MINDY2: variants seen among roughly 807,000 people sequenced by gnomAD.
MINDY2 encodes the protein ubiquitin carboxyl-terminal hydrolase MINDY-2.
Under a neutral mutation model 68.2 loss-of-function variants are expected in MINDY2, and 52 were observed. The ratio of observed to expected loss-of-function variants is 0.76; its 90% confidence interval spans 0.61 to 0.96. The LOEUF (loss-of-function observed/expected upper bound fraction) is 0.96, where lower values mean the gene tolerates loss of function less well. MINDY2 is among the 40% of genes least tolerant of loss of function. The pLI is 0.00. For synonymous variants in MINDY2, 372 were observed against 303.0 expected, an observed-to-expected ratio of 1.23 and a Z score of -2.36; for missense variants, 881 against 773.4, an observed-to-expected ratio of 1.14 and a Z score of -1.65.
At chr15:58,802,185 G>A (rs1026048667) in intron 2 of MINDY2, 128 bp from the exon 3 acceptor site, 4 of 647,768 alleles carry the variant, frequency 6.2e-6, no homozygotes, top group Non-Finnish European at 1.1e-5. Context: ...GGTAGGATTG[G>A]GGAGTCAATT....
chr15:58,848,560 G>A (rs1253078804), intron 7 of MINDY2, among the ~76,000 whole-genome samples: 2 of 151,938 alleles, frequency 1.3e-5, no homozygotes, highest in East Asian at 1.9e-4. Context: ...TGGCTAACAC[G>A]GTGAAACCCC....
At chr15:58,801,551 T>C (rs1041630036) in intron 2 of MINDY2, among the ~76,000 whole-genome samples, 5 of 152,062 alleles carry the variant, frequency 3.3e-5, no homozygotes, top group South Asian at 2.1e-4. Context: ...ATTTAAAAGT[T>C]GCCACATATA....
chr15:58,791,518 C>T (rs915007334), intron 2 of MINDY2, among the ~76,000 whole-genome samples: 4 of 150,620 alleles, frequency 2.7e-5, no homozygotes, highest in East Asian at 2.0e-4. Flanking sequence ...TTGGGACGCT[C>T]AGGTGGGAGG....
chr15:58,853,029 GC>G (rs55897928), intron 8 of MINDY2, among the ~76,000 whole-genome samples: 116,455 of 140,148 alleles, frequency 0.83, 49,134 homozygotes, highest in Middle Eastern at 0.94. Flanking sequence ...CTCGCTCATT[GC>G]CAACCTCTGC....
chr15:58,801,789 G>A (rs1167012232), intron 2 of MINDY2, among the ~76,000 whole-genome samples: 1 of 152,164 alleles, frequency 6.6e-6, no homozygotes, highest in Non-Finnish European at 1.5e-5. Flanking sequence ...ACAGGCACCC[G>A]CCACCATGCC....
intron 6 of MINDY2, among the ~76,000 whole-genome samples, chr15:58,844,988 C>T (rs778845755): frequency 1.3e-5 from 2 of 150,446 alleles, no homozygotes; most frequent in Non-Finnish European, 3.0e-5. Context: ...TGCAAACTAC[C>T]TATGTGACAA....
intron 6 of MINDY2, among the ~76,000 whole-genome samples, chr15:58,836,721 C>A (rs909879521): frequency 1.3e-5 from 2 of 152,026 alleles, no homozygotes; most frequent in African/African-American, 4.8e-5. Context: ...TGGGTTCAAG[C>A]GATCCTCATG....
chr15:58,837,506 G>A (rs2032049608), intron 6 of MINDY2, among the ~76,000 whole-genome samples: 1 of 150,456 alleles, frequency 6.6e-6, no homozygotes, highest in Non-Finnish European at 1.5e-5. Flanking sequence ...CCTGAGCCCA[G>A]GAGGGTGAGG....
chr15:58,794,620 G>C (rs1288644251), intron 2 of MINDY2, among the ~76,000 whole-genome samples: 1 of 152,062 alleles, frequency 6.6e-6, no homozygotes, highest in Non-Finnish European at 1.5e-5. Context: ...GAGGAGTTTA[G>C]GGAGGAAGTG....
At chr15:58,791,253 A>ATATATATATATATATATC (rs1567043806) in intron 2 of MINDY2, among the ~76,000 whole-genome samples, 2 of 128,566 alleles carry the variant, frequency 1.6e-5, no homozygotes, top group African/African-American at 2.9e-5. Context: ...ATATATATAT[A>ATATATATATATATATATC]TATCTTGAGT....
intron 1 of MINDY2, among the ~76,000 whole-genome samples, chr15:58,778,972 G>A (rs1900959735): frequency 6.6e-6 from 1 of 151,842 alleles, no homozygotes; most frequent in African/African-American, 2.4e-5. Context: ...ATGTTGGCCA[G>A]GCTGTTCTTG....
At chr15:58,818,917 A>G (rs1439170345) in intron 4 of MINDY2, among the ~76,000 whole-genome samples, 1 of 152,116 alleles carries the variant, frequency 6.6e-6, no homozygotes, top group Non-Finnish European at 1.5e-5. Context: ...CTGGGATTAC[A>G]GGCATGAGCC....
chr15:58,852,972 A>ATTTTT lies in MINDY2; in HGVS notation c.1737+1007_1737+1008insTTTTT, dbSNP rs1567079858. On this transcript the variant is annotated intron_variant, in intron 8 of 8. Coordinates refer to ENST00000559228, the MANE Select transcript of MINDY2 (RefSeq NM_001040450.3). ...TTTTTTTTTTTTTTTTTTTTTTTTA[A>ATTTTT]GACAGAGTCTCACTCTGTTGCCCAG... is the stretch of plus-strand genomic sequence containing the variant. Among the ~76,000 whole-genome samples, 13 of 17,272 alleles carry ATTTTT rather than the reference A, an allele frequency of 7.5e-4. 4 individuals carry two copies. Among genetic ancestry groups the ATTTTT allele is most frequent in the Non-Finnish European group, 2.0e-3 (12 of 6,082 alleles). The allele number at this position is 17,272 out of a possible 152,430, so 11.3% of individuals were successfully genotyped here.
At chr15:58,842,203 A>G (rs2032319415) in intron 6 of MINDY2, among the ~76,000 whole-genome samples, 1 of 152,010 alleles carries the variant, frequency 6.6e-6, no homozygotes, top group Non-Finnish European at 1.5e-5. Flanking sequence ...GTTTTAAATT[A>G]CTGACATCTC....
intron 1 of MINDY2, among the ~76,000 whole-genome samples, chr15:58,784,281 C>T (rs1283250452): frequency 6.6e-6 from 1 of 151,814 alleles, no homozygotes; most frequent in Non-Finnish European, 1.5e-5. Context: ...TGCCATGATC[C>T]TGCCACTGCG....
At position 58,821,733 on chromosome 15, in the gene MINDY2, A is replaced by G; in HGVS notation, c.1139A>G (p.Lys380Arg). The change falls in exon 5 of 9, where the codon AAA (lysine) becomes AGA (arginine). Residue 380 changes from lysine (K) to arginine (R), a missense_variant. Transcript: ENST00000559228. ...LVDPQIDDIV[K>R]AVGNCSYNQL... is the part of the protein sequence containing the mutation. ...GTTTTCTAGATTGATGACATTGTAAAAGCTGTTGGTAACTGCAGCTACAAC... is the reference window on the plus strand; with the variant it reads ...GTTTTCTAGATTGATGACATTGTAAGAGCTGTTGGTAACTGCAGCTACAAC... 1 of 1,576,202 alleles carries G rather than the reference A, an allele frequency of 6.3e-7. No individual in the cohort carries two copies. The highest frequency in any genetic ancestry group is 1.4e-5 in the African/African-American group (1 of 72,876).
At chr15:58,849,087 G>T (rs1265788827) in intron 7 of MINDY2, among the ~76,000 whole-genome samples, 3 of 152,028 alleles carry the variant, frequency 2.0e-5, no homozygotes, top group African/African-American at 7.2e-5. Context: ...GTGCGCACCT[G>T]TAACCCCAAC....
chr15:58,773,241 A>C (rs772150878), intron 1 of MINDY2, among the ~76,000 whole-genome samples: 7 of 152,202 alleles, frequency 4.6e-5, no homozygotes, highest in African/African-American at 9.7e-5. Context: ...GCTTGAGCCC[A>C]GAAGTTTGAG....
At chr15:58,794,310 C>T in intron 2 of MINDY2, among the ~76,000 whole-genome samples, 1 of 150,536 alleles carries the variant, frequency 6.6e-6, no homozygotes, top group Non-Finnish European at 1.5e-5. Context: ...ACTGTATTAC[C>T]ATGGGAAATG....
Sources: allele counts gnomAD v4.1 joint callset (sites outside exome capture counted in the v4.1 genomes callset), GRCh38; gene constraint gnomAD v4.1.1; transcripts MANE v1.5; gene names NCBI Gene and HGNC (gene_info 2026-07-23, HGNC 2026-07-21).